Variants in PRKG1 observed in about 807,000 individuals in gnomAD.
The protein encoded by PRKG1 is cGMP-dependent protein kinase 1.
Under a neutral mutation model 88.1 loss-of-function variants are expected in PRKG1, and 35 were observed. That is an observed-to-expected ratio of 0.40 (90% CI 0.30 to 0.53). PRKG1 has a LOEUF of 0.53. PRKG1 is among the 20% of genes least tolerant of loss of function. The pLI is 0.59. For missense variants in PRKG1, 540 were observed against 839.8 expected (o/e 0.64, Z 4.41); for synonymous variants, 303 against 292.5 (o/e 1.04, Z -0.37).
chr10:51,017,002 C>T (rs1185790642), intron 1 of PRKG1, among the ~76,000 whole-genome samples: 1 of 151,590 alleles, frequency 6.6e-6, no homozygotes, highest in Non-Finnish European at 1.5e-5. Context: ...AAAACTGAGG[C>T]TCAAATTAAT....
chr10:51,118,872 A>G (rs1424854362), intron 1 of PRKG1, among the ~76,000 whole-genome samples: 1 of 152,164 alleles, frequency 6.6e-6, no homozygotes, highest in Non-Finnish European at 1.5e-5. Context: ...ATTGAAGGGA[A>G]AAGCAACAGC....
intron 3 of PRKG1, among the ~76,000 whole-genome samples, chr10:51,501,546 T>C (rs897203507): frequency 7.9e-5 from 12 of 152,104 alleles, no homozygotes; most frequent in African/African-American, 2.9e-4. Flanking sequence ...CCATCTGTGC[T>C]TCTCCATGAA....
intron 1 of PRKG1, among the ~76,000 whole-genome samples, chr10:51,020,374 T>C (rs1341345589): frequency 1.3e-5 from 2 of 152,160 alleles, no homozygotes; most frequent in South Asian, 2.1e-4. Context: ...AGACGTGTAC[T>C]ATAAACATGT....
chr10:51,080,735 T>C (rs1482355363), intron 1 of PRKG1, among the ~76,000 whole-genome samples: 1 of 152,224 alleles, frequency 6.6e-6, no homozygotes, highest in East Asian at 1.9e-4. Flanking sequence ...GTTGAGCTGG[T>C]ACTGTTTGCC....
intron 1 of PRKG1, among the ~76,000 whole-genome samples, chr10:51,004,799 G>A (rs1324273081): frequency 1.3e-5 from 2 of 151,904 alleles, no homozygotes; most frequent in African/African-American, 2.4e-5. Flanking sequence ...AGGAAAATAA[G>A]GATAAAACTG....
chr10:51,246,276 T>TA (rs1357941602), intron 2 of PRKG1, among the ~76,000 whole-genome samples: 1 of 152,150 alleles, frequency 6.6e-6, no homozygotes, highest in East Asian at 1.9e-4. Flanking sequence ...AAGGAACTAA[T>TA]AAAAAGTTGT....
intron 2 of PRKG1, among the ~76,000 whole-genome samples, chr10:51,315,397 C>T (rs1417840137): frequency 6.6e-6 from 1 of 151,982 alleles, no homozygotes; most frequent in Non-Finnish European, 1.5e-5. Context: ...TAAAATAAAT[C>T]CAGCTTTGAA....
chr10:51,009,373 T>C (rs964484909), intron 1 of PRKG1, among the ~76,000 whole-genome samples: 3 of 152,254 alleles, frequency 2.0e-5, no homozygotes, highest in African/African-American at 7.2e-5. Context: ...AACATTATTC[T>C]CTGCATTTAA....
chr10:51,703,003 A>G (rs1197162191), intron 3 of PRKG1, among the ~76,000 whole-genome samples: 1 of 152,142 alleles, frequency 6.6e-6, no homozygotes, highest in African/African-American at 2.4e-5. Flanking sequence ...CCTCAGACTG[A>G]TTTTTGAACT....
At chr10:51,752,369 T>C (rs1476935931) in intron 3 of PRKG1, among the ~76,000 whole-genome samples, 1 of 152,202 alleles carries the variant, frequency 6.6e-6, no homozygotes, top group East Asian at 1.9e-4. Flanking sequence ...GAGTTTATCT[T>C]TTGTCTCCTC....
chr10:51,412,183 G>A (rs975564951), intron 2 of PRKG1, among the ~76,000 whole-genome samples: 6 of 64,800 alleles, frequency 9.3e-5, no homozygotes, highest in African/African-American at 3.2e-4. Flanking sequence ...GAGAGAGTGA[G>A]AGAGAGAGAG....
chr10:52,142,169 C>A (rs928261494), intron 8 of PRKG1, among the ~76,000 whole-genome samples: 2 of 152,048 alleles, frequency 1.3e-5, no homozygotes, highest in African/African-American at 4.8e-5. Context: ...AAGGCGAGTC[C>A]CAGAAGGAGT....
intron 10 of PRKG1, among the ~76,000 whole-genome samples, chr10:52,259,029 G>C (rs985174898): frequency 2.0e-5 from 3 of 151,536 alleles, no homozygotes; most frequent in African/African-American, 7.3e-5. Context: ...GACCAGACTA[G>C]AGTGAATTAC....
intron 3 of PRKG1, among the ~76,000 whole-genome samples, chr10:51,724,674 G>A (rs73343391): frequency 0.023 from 3,536 of 152,108 alleles, 144 homozygotes; most frequent in African/African-American, 0.08. Flanking sequence ...ATAGGCAAGA[G>A]CCACCGTGCC....
intron 1 of PRKG1, among the ~76,000 whole-genome samples, chr10:51,054,480 C>T (rs2132773507): frequency 6.6e-6 from 1 of 152,102 alleles, no homozygotes; most frequent in East Asian, 1.9e-4. Context: ...AAGCAGATGC[C>T]CTATTCCAAT....
chr10:51,461,445 T>C (rs1396660882), intron 2 of PRKG1, among the ~76,000 whole-genome samples: 1 of 152,138 alleles, frequency 6.6e-6, no homozygotes, highest in African/African-American at 2.4e-5. Context: ...CATATATATG[T>C]GTAATGAGAA....
intron 3 of PRKG1, among the ~76,000 whole-genome samples, chr10:51,602,220 A>G (rs528482759): frequency 1.3e-5 from 2 of 152,272 alleles, no homozygotes; most frequent in South Asian, 4.1e-4. Flanking sequence ...GGTTTCTACG[A>G]TCATGTCATT....
chr10:51,450,705 C>T (rs1176529097), intron 2 of PRKG1, among the ~76,000 whole-genome samples: 3 of 151,730 alleles, frequency 2.0e-5, no homozygotes, highest in Admixed American at 2.0e-4. Context: ...AACTTTTTGG[C>T]AGAGTTTTAT....
At chr10:52,276,512 A>T (rs1841878220) in intron 12 of PRKG1, among the ~76,000 whole-genome samples, 1 of 152,156 alleles carries the variant, frequency 6.6e-6, no homozygotes, top group African/African-American at 2.4e-5. Context: ...TTAAATTTTA[A>T]TTTGAGTCTA....
Sources: gnomAD v4.1 joint callset for allele counts (sites outside exome capture counted in the v4.1 genomes callset) on GRCh38, gnomAD v4.1.1 for gene constraint, MANE v1.5 for transcripts, NCBI Gene and HGNC (gene_info 2026-07-23, HGNC 2026-07-21) for gene names.